CNTLN: variants seen among roughly 807,000 people sequenced by gnomAD.
CNTLN encodes centlein, centrosomal protein.
A neutral mutation model predicts 180.0 loss-of-function variants in CNTLN; 212 were observed. The observed-to-expected ratio is 1.18, with a 90% CI of 1.05 to 1.32. The LOEUF (loss-of-function observed/expected upper bound fraction) is 1.32, where lower values mean the gene tolerates loss of function less well. Ranked by LOEUF, CNTLN falls within the 40% of genes most tolerant of loss-of-function variation. CNTLN has a pLI of 0.00. For synonymous variants in CNTLN, 722 were observed against 563.1 expected, an observed-to-expected ratio of 1.28 and a Z score of -3.99; for missense variants, 2,095 against 1,610.9, an observed-to-expected ratio of 1.30 and a Z score of -5.14.
Position 17,179,160 on chromosome 9 carries a change from C to T in CNTLN, c.449+35784C>T, listed in dbSNP as rs943063450. Reference sequence around the variant, plus strand: ...TTGGGAGGCTGAGGCAGGAGAATGGCGTGAACCCGGGAGGCGGAGCTTGCA... The same window carrying T: ...TTGGGAGGCTGAGGCAGGAGAATGGTGTGAACCCGGGAGGCGGAGCTTGCA... On this transcript the variant is annotated intron_variant, in intron 2 of 25. Coordinates refer to ENST00000380647, the MANE Select transcript of CNTLN (RefSeq NM_017738.4). 2.4e-4 allele frequency among the ~76,000 whole-genome samples: 34 copies of T among 142,768 alleles called. 1 individual carries two copies. The highest frequency in any genetic ancestry group is 7.7e-4 in the Admixed American group (11 of 14,262). 93.7% of individuals were successfully genotyped at this position (142,768 alleles called of 152,430 possible). A position where few individuals can be genotyped will look rare whatever the true frequency, so the allele number is the denominator to read the frequency against.
intron 2 of CNTLN, among the ~76,000 whole-genome samples, chr9:17,192,906 CA>C (rs1324587231): frequency 6.6e-6 from 1 of 152,074 alleles, no homozygotes; most frequent in Non-Finnish European, 1.5e-5. Context: ...AAAAGCAGTT[CA>C]GTTGGACTTA....
chr9:17,256,537 T>C (rs574700593), intron 5 of CNTLN, among the ~76,000 whole-genome samples: 53 of 151,608 alleles, frequency 3.5e-4, no homozygotes, highest in Admixed American at 2.0e-3. Context: ...TCTTTCATGA[T>C]TGTTGGCTGT....
At chr9:17,453,120 T>C (rs1830885039) in intron 18 of CNTLN, among the ~76,000 whole-genome samples, 1 of 152,122 alleles carries the variant, frequency 6.6e-6, no homozygotes, top group Non-Finnish European at 1.5e-5. Context: ...GAGACCAGGC[T>C]GGGCAACACA....
chr9:17,473,131 A>G (rs573348894), intron 23 of CNTLN, among the ~76,000 whole-genome samples: 2 of 152,260 alleles, frequency 1.3e-5, no homozygotes, highest in South Asian at 4.1e-4. Context: ...AAACATAACC[A>G]TGCTGATTCA....
intron 18 of CNTLN, among the ~76,000 whole-genome samples, chr9:17,422,554 G>A (rs1337728157): frequency 6.6e-6 from 1 of 152,056 alleles, no homozygotes; most frequent in Non-Finnish European, 1.5e-5. Context: ...TATCTGATTG[G>A]TTTTTAAAAA....
At chr9:17,270,064 A>C (rs1006556116) in intron 5 of CNTLN, among the ~76,000 whole-genome samples, 1 of 152,046 alleles carries the variant, frequency 6.6e-6, no homozygotes, top group Non-Finnish European at 1.5e-5. Flanking sequence ...TTTTGGTGGA[A>C]GATCATATTG....
At chr9:17,477,196 A>T (rs1832399077) in intron 23 of CNTLN, among the ~76,000 whole-genome samples, 3 of 152,182 alleles carry the variant, frequency 2.0e-5, no homozygotes, top group Admixed American at 2.0e-4. Context: ...AGAAAAAAAG[A>T]TTCCTTTCAA....
intron 2 of CNTLN, among the ~76,000 whole-genome samples, chr9:17,156,648 G>T (rs1819312805): frequency 6.6e-6 from 1 of 151,814 alleles, no homozygotes; most frequent in Non-Finnish European, 1.5e-5. Flanking sequence ...TTGATATTTT[G>T]GCAAAAATAA....
At chr9:17,382,543 T>C (rs998339644) in intron 13 of CNTLN, among the ~76,000 whole-genome samples, 1 of 152,226 alleles carries the variant, frequency 6.6e-6, no homozygotes, top group East Asian at 1.9e-4. Context: ...GAATGATTAA[T>C]ATTAACTAAT....
At chr9:17,512,149 G>A in the CNTLN span, among the ~76,000 whole-genome samples, 17 of 152,122 alleles carry the variant, frequency 1.1e-4, no homozygotes, top group African/African-American at 3.9e-4. Flanking sequence ...GGCCAACTAA[G>A]TCCATTCTAT....
intron 3 of CNTLN, among the ~76,000 whole-genome samples, chr9:17,229,637 A>G (rs1207819905): frequency 6.6e-6 from 1 of 152,088 alleles, no homozygotes; most frequent in African/African-American, 2.4e-5. Flanking sequence ...AGCCCACATT[A>G]TGAAGGGTAA....
intron 2 of CNTLN, among the ~76,000 whole-genome samples, chr9:17,190,563 A>C (rs954685218): frequency 1.3e-5 from 2 of 152,150 alleles, no homozygotes; most frequent in Non-Finnish European, 2.9e-5. Context: ...AGAGTTTCAA[A>C]TATCCGCCTC....
At chr9:17,323,674 G>A (rs568604791) in intron 8 of CNTLN, among the ~76,000 whole-genome samples, 3 of 152,306 alleles carry the variant, frequency 2.0e-5, no homozygotes, top group African/African-American at 7.2e-5. Context: ...TTCAACTGCT[G>A]AAATTATAAA....
intron 6 of CNTLN, among the ~76,000 whole-genome samples, chr9:17,275,018 A>G (rs1828220107): frequency 6.6e-6 from 1 of 152,094 alleles, no homozygotes. Context: ...TTTATAGATG[A>G]TAGACTGGTT....
chr9:17,361,287 A>G (rs553006775), intron 12 of CNTLN, among the ~76,000 whole-genome samples: 2 of 152,188 alleles, frequency 1.3e-5, no homozygotes, highest in East Asian at 3.9e-4. Flanking sequence ...GTTCATTTAA[A>G]ACACTTTTTT....
At chr9:17,359,725 C>CAAAAAAAAAAAA (rs1176814681) in intron 12 of CNTLN, among the ~76,000 whole-genome samples, 8 of 21,330 alleles carry the variant, frequency 3.8e-4, no homozygotes, top group South Asian at 4.0e-3. Flanking sequence ...ACTAAAAATA[C>CAAAAAAAAAAAA]AAAAAAAAAA....
chr9:17,514,390 T>C, the CNTLN span, among the ~76,000 whole-genome samples: 3 of 152,066 alleles, frequency 2.0e-5, no homozygotes, highest in Admixed American at 2.0e-4. Flanking sequence ...AGATCTGCCA[T>C]TTAGAAAGGC....
intron 24 of CNTLN, 151 bp downstream of exon 24, chr9:17,484,631 C>A: frequency 1.7e-6 from 1 of 593,662 alleles, no homozygotes; most frequent in Non-Finnish European, 2.7e-6. Flanking sequence ...AGATACACAT[C>A]AAGTATTAAC....
At chr9:17,142,853 G>C (rs1242134557) in intron 1 of CNTLN, among the ~76,000 whole-genome samples, 2 of 152,180 alleles carry the variant, frequency 1.3e-5, no homozygotes, top group African/African-American at 4.8e-5. Flanking sequence ...TGGCAATATA[G>C]AGGACCTTGA....
Sources: allele counts gnomAD v4.1 joint callset (sites outside exome capture counted in the v4.1 genomes callset), GRCh38; gene constraint gnomAD v4.1.1; transcripts MANE v1.5; gene names NCBI Gene and HGNC (gene_info 2026-07-23, HGNC 2026-07-21).